Variants in BRAF observed in about 807,000 individuals in gnomAD.
BRAF encodes the protein B-Raf proto-oncogene, serine/threonine kinase, also known as serine/threonine-protein kinase B-raf.
In BRAF, 16 loss-of-function variants were observed where a neutral mutation model predicts 104.6. The observed-to-expected ratio is 0.15, with a 90% CI of 0.10 to 0.23. The LOEUF (loss-of-function observed/expected upper bound fraction) is 0.23, where lower values mean the gene tolerates loss of function less well. Ranked by LOEUF, BRAF falls within the 10% of genes least tolerant of loss-of-function variation. BRAF has a pLI of 1.00. For synonymous variants in BRAF, 310 were observed against 341.6 expected (o/e 0.91, Z 1.02); for missense variants, 541 against 937.3 (o/e 0.58, Z 5.52).
At chr7:140,872,340 T>TG (rs1467510778) in intron 1 of BRAF, among the ~76,000 whole-genome samples, 1 of 151,926 alleles carries the variant, frequency 6.6e-6, no homozygotes, top group Non-Finnish European at 1.5e-5. Context: ...CCATGGTACT[T>TG]TAACAAAAAG....
intron 1 of BRAF, among the ~76,000 whole-genome samples, chr7:140,851,595 G>C (rs1483082307): frequency 3.9e-5 from 6 of 152,046 alleles, no homozygotes; most frequent in Non-Finnish European, 8.8e-5. Context: ...TTGGTATCTA[G>C]GTATAGGATT....
chr7:140,883,062 C>T (rs998774318), intron 1 of BRAF, among the ~76,000 whole-genome samples: 1 of 151,484 alleles, frequency 6.6e-6, no homozygotes, highest in African/African-American at 2.4e-5. Context: ...GACCTATCTT[C>T]TTCAAAAAAG....
At chr7:140,730,460 C>T (rs754578841) in intron 19 of BRAF, among the ~76,000 whole-genome samples, 5 of 151,842 alleles carry the variant, frequency 3.3e-5, no homozygotes, top group Non-Finnish European at 7.4e-5. Flanking sequence ...CTCTGCCTCC[C>T]GGGTTCAAGC....
At chr7:140,913,587 A>G (rs1369658695) in intron 1 of BRAF, among the ~76,000 whole-genome samples, 1 of 140,700 alleles carries the variant, frequency 7.1e-6, no homozygotes, top group Non-Finnish European at 1.5e-5. Context: ...GATTGAAGCG[A>G]TTCTCTTGCC....
intron 1 of BRAF, among the ~76,000 whole-genome samples, chr7:140,917,926 T>A (rs754102112): frequency 6.6e-6 from 1 of 152,208 alleles, no homozygotes; most frequent in Non-Finnish European, 1.5e-5. Flanking sequence ...ATATTGTCTA[T>A]TAGCTACTTC....
At chr7:140,852,077 A>G (rs1409491748) in intron 1 of BRAF, among the ~76,000 whole-genome samples, 2 of 152,200 alleles carry the variant, frequency 1.3e-5, no homozygotes, top group African/African-American at 4.8e-5. Flanking sequence ...CTGTGAGAAC[A>G]GCAGAAGCTG....
Position 140,784,448 on chromosome 7 carries a change from A to T in BRAF, c.1297+1241T>A, listed in dbSNP as rs75984419. On this transcript the variant is annotated intron_variant, in intron 10 of 19. Coordinates refer to ENST00000644969, the MANE Select transcript of BRAF (RefSeq NM_001374258.1). ...ATGATCTACTAAGTAGTTTTATTGT[A>T]TCACTTAATTTAGTTGTATTACTCA... Among the ~76,000 whole-genome samples the T allele has an allele frequency of 1.8e-3, 267 of 152,248 alleles. 8 individuals are homozygous for T. The East Asian group carries it at 0.041, about 23-fold the overall frequency.
intron 14 of BRAF, among the ~76,000 whole-genome samples, chr7:140,770,790 A>C (rs975702434): frequency 3.9e-5 from 6 of 151,956 alleles, no homozygotes; most frequent in African/African-American, 1.5e-4. Flanking sequence ...AAAATTAGCC[A>C]GGTGTGGTGG....
chr7:140,852,490 A>G (rs1270949649), intron 1 of BRAF, among the ~76,000 whole-genome samples: 3 of 152,146 alleles, frequency 2.0e-5, no homozygotes, highest in Non-Finnish European at 2.9e-5. Flanking sequence ...AATGATTCAT[A>G]TGCATATTAA....
intron 14 of BRAF, among the ~76,000 whole-genome samples, chr7:140,760,345 A>G (rs11768253): frequency 0.35 from 52,933 of 150,944 alleles, 12,461 homozygotes; most frequent in African/African-American, 0.68. Flanking sequence ...CCCTGGAGAC[A>G]GAGGTTGTAG....
intron 1 of BRAF, among the ~76,000 whole-genome samples, chr7:140,917,360 C>T (rs927630261): frequency 6.6e-6 from 1 of 152,190 alleles, no homozygotes; most frequent in Non-Finnish European, 1.5e-5. Context: ...CATGCCCGGC[C>T]CCACTGATAT....
intron 5 of BRAF, among the ~76,000 whole-genome samples, chr7:140,804,571 C>A (rs1416176050): frequency 6.6e-6 from 1 of 152,008 alleles, no homozygotes; most frequent in Non-Finnish European, 1.5e-5. Flanking sequence ...GAGCTGCCCA[C>A]CTTAGCCTCC....
At chr7:140,727,158 T>C (rs984471494) in intron 19 of BRAF, among the ~76,000 whole-genome samples, 3 of 151,358 alleles carry the variant, frequency 2.0e-5, no homozygotes, top group Non-Finnish European at 4.4e-5. Flanking sequence ...CTTAATGAAT[T>C]TGGGGGCTTC....
chr7:140,871,239 CAAAAAAAAA>C (rs11284186), intron 1 of BRAF, among the ~76,000 whole-genome samples: 6 of 61,174 alleles, frequency 9.8e-5, no homozygotes, highest in African/African-American at 3.4e-4. Flanking sequence ...GACTCCGTCT[CAAAAAAAAA>C]AAAAAAAAAA....
intron 3 of BRAF, among the ~76,000 whole-genome samples, chr7:140,828,127 C>T (rs1380335732): frequency 6.6e-6 from 1 of 152,086 alleles, no homozygotes; most frequent in African/African-American, 2.4e-5. Context: ...AACTCCTGAC[C>T]TCAGGTGATC....
Position 140,720,659 on chromosome 7 carries a change from C to G in BRAF, c.*5835G>C, listed in dbSNP as rs903101761. 1.2e-5 allele frequency: 13 copies of G among 1,065,746 alleles called. No homozygotes were observed. Among genetic ancestry groups the G allele is most frequent in the Non-Finnish European group, 1.5e-5 (13 of 879,568 alleles). 66.0% of individuals were successfully genotyped at this position (1,065,746 alleles called of 1,614,324 possible). A position where few individuals can be genotyped will look rare whatever the true frequency, so the allele number is the denominator to read the frequency against. ...TTAATTTTTCCCTATCCTAGATTTA[C>G]TGCCACCTCACCCCATTTTGGTCTC... On this transcript the variant is annotated 3_prime_UTR_variant, in exon 20 of 20. Coordinates refer to ENST00000644969, the MANE Select transcript of BRAF (RefSeq NM_001374258.1).
At chr7:140,811,076 T>C (rs1379319180) in intron 3 of BRAF, among the ~76,000 whole-genome samples, 1 of 152,058 alleles carries the variant, frequency 6.6e-6, no homozygotes, top group Admixed American at 6.6e-5. Flanking sequence ...CAGGCATGAG[T>C]TATAGTAATG....
intron 1 of BRAF, among the ~76,000 whole-genome samples, chr7:140,858,276 T>G (rs1041315302): frequency 6.6e-6 from 1 of 152,186 alleles, no homozygotes; most frequent in Non-Finnish European, 1.5e-5. Context: ...CCATGAAGTA[T>G]ACATGCAAAA....
Position 140,800,385 on chromosome 7 carries a change from G to A in BRAF, c.957C>T (p.Ser319=), listed in dbSNP as rs754029526. ...ETALTSGSSP[S]APASDSIGPQ... is the part of the protein sequence containing the mutation. ...ACCCAATAGAGTCCGAGGCGGGTGC[G>A]GAAGGGGATGATCCAGATGTTAGGG... Residue 319 remains serine, a synonymous_variant, in exon 7 of 20, where the codon TCC becomes TCT. Coordinates refer to ENST00000644969, the MANE Select transcript of BRAF (RefSeq NM_001374258.1). The A allele has an allele frequency of 2.0e-5, 32 of 1,614,010 alleles. No homozygotes were observed. In the South Asian group the frequency reaches 2.3e-4, roughly 12 times the overall value.
Sources: gnomAD v4.1 joint callset for allele counts (sites outside exome capture counted in the v4.1 genomes callset) on GRCh38, gnomAD v4.1.1 for gene constraint, MANE v1.5 for transcripts, NCBI Gene and HGNC (gene_info 2026-07-23, HGNC 2026-07-21) for gene names.